Variants in LMBRD2 observed in about 807,000 individuals in gnomAD.
LMBRD2 encodes G protein-coupled receptor-associated protein LMBRD2.
A neutral mutation model predicts 94.4 loss-of-function variants in LMBRD2; 55 were observed. The observed-to-expected ratio is 0.58, with a 90% CI of 0.47 to 0.73. The LOEUF (loss-of-function observed/expected upper bound fraction) is 0.73, where lower values mean the gene tolerates loss of function less well. LMBRD2 is among the 30% of genes least tolerant of loss of function. The pLI, the probability that LMBRD2 is intolerant of heterozygous loss-of-function variation, is 0.00. For missense variants in LMBRD2, 640 were observed against 831.9 expected, an observed-to-expected ratio of 0.77 and a Z score of 2.84; for synonymous variants, 246 against 272.4, an observed-to-expected ratio of 0.90 and a Z score of 0.95.
rs990919335 is a variant in LMBRD2 at position 36,098,521 on chromosome 5, GAAGT to G, written c.*5521_*5524del. 1.3e-5 allele frequency: 2 copies of G among 151,962 alleles called. No individual in the cohort carries two copies. The highest frequency in any genetic ancestry group is 4.8e-5 in the African/African-American group (2 of 41,408). The allele number at this position is 151,962 out of a possible 1,614,324, so 9.4% of individuals were successfully genotyped here. A position where few individuals can be genotyped will look rare whatever the true frequency, so the allele number is the denominator to read the frequency against. ...ACTTAAAAGAACCTTAATCTCAAAT[GAAGT>G]AAAATATATAAACAATCAGCAAAAT... On this transcript the variant is annotated 3_prime_UTR_variant, in exon 18 of 18. Transcript: ENST00000296603.
At chr5:36,108,666 T>C (rs763628589) in intron 15 of LMBRD2, 27 bp from the exon 16 acceptor site, 2 of 1,109,656 alleles carry the variant, frequency 1.8e-6, no homozygotes, top group African/African-American at 3.1e-5. Context: ...AATAATCATA[T>C]AATAGAACAG....
chr5:36,118,413 T>C (rs780260408), intron 9 of LMBRD2, among the ~76,000 whole-genome samples: 1 of 152,106 alleles, frequency 6.6e-6, no homozygotes, highest in African/African-American at 2.4e-5. Flanking sequence ...TAAATAATGG[T>C]AGAGTATAAA....
At position 36,144,096 on chromosome 5, in the gene LMBRD2, G is replaced by A. The variant is rs1050974489; in HGVS notation, c.-57-690C>T. The stretch of plus-strand genomic sequence containing the variant: ...TTTTATATGCAGAAAATTTATCAAT[G>A]ACTATTAAAGTCATACATTTGAAAA... On this transcript the variant is annotated intron_variant, in intron 1 of 17. Coordinates refer to ENST00000296603, the MANE Select transcript of LMBRD2 (RefSeq NM_001007527.2). Among the ~76,000 whole-genome samples the A allele has an allele frequency of 3.3e-5, 5 of 151,850 alleles. No individual in the cohort carries two copies. In the South Asian group the frequency reaches 1.0e-3, roughly 32 times the overall value.
Position 36,137,197 on chromosome 5 carries a change from C to A in LMBRD2, c.536+77G>T, listed in dbSNP as rs531984511. The A allele has an allele frequency of 1.4e-5, 13 of 938,648 alleles. No individual in the cohort carries two copies. The Admixed American group carries it at 3.1e-4, about 22-fold the overall frequency. 58.1% of individuals were successfully genotyped at this position (938,648 alleles called of 1,614,324 possible). ...TCTCAATGAAATGTCTTTTTACCTG[C>A]ACATATGAAATTAAAAATGATTTTT... On this transcript the variant is annotated intron_variant, in intron 5 of 17. Transcript: ENST00000296603.
Position 36,099,985 on chromosome 5 carries a change from C to A in LMBRD2, c.*4061G>T. Reference sequence around the variant, plus strand: ...CTACTGGAGGAAATTGCTCCTAGGGCCTTGTCTCCAGGAGTTGGGAAAGGG... The same window carrying A: ...CTACTGGAGGAAATTGCTCCTAGGGACTTGTCTCCAGGAGTTGGGAAAGGG... On this transcript the variant is annotated 3_prime_UTR_variant, in exon 18 of 18. Transcript: ENST00000296603. 1 of 152,166 alleles carries A rather than the reference C, an allele frequency of 6.6e-6. No individual in the cohort carries two copies. The highest frequency in any genetic ancestry group is 3.4e-3 in the Middle Eastern group (1 of 294). 9.4% of individuals were successfully genotyped at this position (152,166 alleles called of 1,614,324 possible).
Position 36,108,654 on chromosome 5 carries a change from C to A in LMBRD2, c.1792-15G>T. On this transcript the variant is annotated splice_polypyrimidine_tract_variant and intron_variant, in intron 15 of 17. Transcript: ENST00000296603. ...TCTTTCCATTCCTAGAAAAGAAGCA[C>A]AAATAATCATATAATAGAACAGAAA... 8.0e-7 allele frequency: 1 copy of A among 1,245,922 alleles called. No individual in the cohort carries two copies. Among genetic ancestry groups the A allele is most frequent in the Non-Finnish European group, 1.1e-6 (1 of 878,280 alleles). 77.2% of individuals were successfully genotyped at this position (1,245,922 alleles called of 1,614,324 possible).
intron 3 of LMBRD2, 134 bp downstream of exon 3, chr5:36,142,368 G>A: frequency 1.9e-6 from 1 of 525,898 alleles, no homozygotes; most frequent in Non-Finnish European, 3.4e-6. Context: ...TACTAGGAAA[G>A]AATAGAGGTG....
At chr5:36,118,014 A>G in intron 9 of LMBRD2, 98 bp from the exon 10 acceptor site, 1 of 975,112 alleles carries the variant, frequency 1.0e-6, no homozygotes, top group Non-Finnish European at 1.5e-6. Context: ...ACTTAATTAC[A>G]AAGAGAAAAA....
chr5:36,117,806 T>C lies in LMBRD2; in HGVS notation c.1231A>G (p.Thr411Ala). Residue 411 changes from threonine to alanine, a missense_variant, in exon 10 of 18, where the codon ACT becomes GCT. Around this residue, in one of 2 missense-constraint regions of LMBRD2, gnomAD observed 457 missense variants for 642.8 expected, o/e 0.71. Transcript: ENST00000296603. The part of the protein sequence containing the change: ...VWSECTFFST[T>A]PVLSLFAVFI... ...ACCGCAAAGAGGGATAAGACAGGAG[T>C]AGTGCTAAAGAATGTGCACTCTGAC... The C allele has an allele frequency of 6.2e-7, 1 of 1,613,252 alleles. No individual in the cohort carries two copies. The highest frequency in any genetic ancestry group is 1.1e-5 in the South Asian group (1 of 91,036).
intron 3 of LMBRD2, among the ~76,000 whole-genome samples, chr5:36,142,224 A>T (rs1235748316): frequency 6.6e-6 from 1 of 152,226 alleles, no homozygotes; most frequent in Non-Finnish European, 1.5e-5. Context: ...TAGAAATTAC[A>T]TACTTGGTAA....
chr5:36,122,930 C>G lies in LMBRD2; in HGVS notation c.854G>C (p.Arg285Thr). ...CPTEYQEKMG[R>T]NMDDYEDFDE... is the part of the protein sequence containing the mutation. ...AAAATCTTCATAATCATCCATGTTC[C>G]TACCCATTTTTTCCTGATACTCTGT... The change falls in exon 8 of 18, where the codon AGG becomes ACG. Residue 285 changes from arginine to threonine, a missense_variant. By Grantham distance (71) the Arg-to-Thr change is moderately conservative (BLOSUM62 -1). Around this residue, in one of 2 missense-constraint regions of LMBRD2, gnomAD observed 457 missense variants for 642.8 expected, o/e 0.71. Coordinates refer to ENST00000296603, the MANE Select transcript of LMBRD2 (RefSeq NM_001007527.2). The G allele has an allele frequency of 6.4e-7, 1 of 1,563,710 alleles. No homozygotes were observed. Among genetic ancestry groups the G allele is most frequent in the African/African-American group, 1.4e-5 (1 of 70,518 alleles).
intron 12 of LMBRD2, 116 bp downstream of exon 12, chr5:36,114,899 A>T: frequency 2.8e-6 from 2 of 709,008 alleles, no homozygotes; most frequent in Non-Finnish European, 4.8e-6. Flanking sequence ...TCTTTAAGAG[A>T]AAATTTTACC....
intron 1 of LMBRD2, among the ~76,000 whole-genome samples, chr5:36,145,732 A>G (rs1182675299): frequency 4.6e-5 from 7 of 152,202 alleles, no homozygotes; most frequent in Non-Finnish European, 7.3e-5. Flanking sequence ...GAATATGACA[A>G]TCATACAAAA....
chr5:36,130,113 C>T (rs960740099), intron 6 of LMBRD2, among the ~76,000 whole-genome samples: 1 of 152,006 alleles, frequency 6.6e-6, no homozygotes, highest in African/African-American at 2.4e-5. Context: ...GTGCAGCACA[C>T]CAACGTGGCA....
intron 6 of LMBRD2, among the ~76,000 whole-genome samples, chr5:36,124,686 G>T (rs1743969379): frequency 6.6e-6 from 1 of 152,166 alleles, no homozygotes; most frequent in Non-Finnish European, 1.5e-5. Flanking sequence ...CAAAGTGCCA[G>T]CTCTTTTCCA....
chr5:36,150,705 G>T (rs961822284), intron 1 of LMBRD2, among the ~76,000 whole-genome samples: 4 of 152,194 alleles, frequency 2.6e-5, no homozygotes, highest in Non-Finnish European at 5.9e-5. Context: ...TCTGCACCTA[G>T]TTCCAATCAA....
intron 6 of LMBRD2, among the ~76,000 whole-genome samples, chr5:36,132,918 G>A (rs1744187513): frequency 6.6e-6 from 1 of 151,226 alleles, no homozygotes; most frequent in Admixed American, 6.6e-5. Flanking sequence ...AGTTAAAATG[G>A]GTTTTATCCA....
intron 1 of LMBRD2, among the ~76,000 whole-genome samples, chr5:36,149,255 A>T (rs1315862758): frequency 6.6e-6 from 1 of 152,044 alleles, no homozygotes; most frequent in African/African-American, 2.4e-5. Flanking sequence ...ACAGGCAATT[A>T]AAAAAAATAC....
chr5:36,112,686 G>A (rs550178062), intron 13 of LMBRD2, among the ~76,000 whole-genome samples: 93 of 151,874 alleles, frequency 6.1e-4, no homozygotes, highest in African/African-American at 2.0e-3. Flanking sequence ...TTTTGCTTTC[G>A]GACATAGTGA....
Sources: allele counts gnomAD v4.1 joint callset (sites outside exome capture counted in the v4.1 genomes callset), GRCh38; gene constraint gnomAD v4.1.1; regional missense constraint gnomAD v4.1.1; transcripts MANE v1.5; gene names NCBI Gene and HGNC (gene_info 2026-07-23, HGNC 2026-07-21).